Variants in ADAMTS6 observed in about 807,000 individuals in gnomAD.
ADAMTS6 encodes ADAM metallopeptidase with thrombospondin type 1 motif 6.
A neutral mutation model predicts 144.3 loss-of-function variants in ADAMTS6; 23 were observed. The ratio of observed to expected loss-of-function variants is 0.16; its 90% CI spans 0.11 to 0.23. ADAMTS6 has a LOEUF of 0.23. Among genes scored for constraint, ADAMTS6 ranks in the 10% least tolerant of loss-of-function variants. ADAMTS6 has a pLI of 1.00. For missense variants in ADAMTS6, 999 were observed against 1,379.6 expected (o/e 0.72, Z 4.37); for synonymous variants, 444 against 457.5 (o/e 0.97, Z 0.38).
At chr5:65,370,573 T>G (rs1750780107) in intron 7 of ADAMTS6, among the ~76,000 whole-genome samples, 2 of 152,102 alleles carry the variant, frequency 1.3e-5, no homozygotes, top group African/African-American at 4.8e-5. Context: ...CCGACGGGCT[T>G]AAAAAATGGC....
At chr5:65,290,538 G>A (rs566645154) in intron 11 of ADAMTS6, among the ~76,000 whole-genome samples, 5 of 149,586 alleles carry the variant, frequency 3.3e-5, no homozygotes, top group Admixed American at 6.8e-5. Context: ...GCGACAGAGC[G>A]AGACTCTGTC....
intron 22 of ADAMTS6, among the ~76,000 whole-genome samples, chr5:65,175,284 GAGAGAGGC>G (rs1257475947): frequency 6.7e-6 from 1 of 149,832 alleles, no homozygotes; most frequent in South Asian, 2.1e-4. Context: ...GAGAGAGAAA[GAGAGAGGC>G]AGAGAGGCAG....
intron 7 of ADAMTS6, among the ~76,000 whole-genome samples, chr5:65,392,303 C>T (rs1752992566): frequency 1.3e-5 from 2 of 152,090 alleles, no homozygotes; most frequent in South Asian, 4.1e-4. Flanking sequence ...TGAAGTTAAT[C>T]AAATACCCTG....
At position 65,329,028 on chromosome 5, in the gene ADAMTS6, T is replaced by C. The variant is rs554619387; in HGVS notation, c.1223+350A>G. 4.3e-4 allele frequency among the ~76,000 whole-genome samples: 65 copies of C among 152,210 alleles called. 1 individual carries two copies. The highest frequency in any genetic ancestry group is 1.5e-3 in the African/African-American group (64 of 41,556). ...GAGTGAAAACTAAAAATACATTTTA[T>C]GGTAGTGACGTCAATGATTTTAAAA... is the stretch of plus-strand genomic sequence containing the variant. On this transcript the variant is annotated intron_variant, in intron 9 of 24. Transcript: ENST00000381055.
At chr5:65,152,524 G>A (rs1456142391) in intron 24 of ADAMTS6, among the ~76,000 whole-genome samples, 1 of 152,252 alleles carries the variant, frequency 6.6e-6, no homozygotes, top group Non-Finnish European at 1.5e-5. Context: ...TCAAATGGCA[G>A]CAGTCTGTGG....
At chr5:65,410,944 C>T (rs1754995057) in intron 7 of ADAMTS6, among the ~76,000 whole-genome samples, 1 of 152,140 alleles carries the variant, frequency 6.6e-6, no homozygotes, top group Non-Finnish European at 1.5e-5. Flanking sequence ...GTCAAGCAAT[C>T]CTCCTGCTTC....
chr5:65,464,932 C>T (rs1402460030), intron 3 of ADAMTS6, among the ~76,000 whole-genome samples: 3 of 152,172 alleles, frequency 2.0e-5, no homozygotes, highest in Non-Finnish European at 4.4e-5. Flanking sequence ...GTCCTCACTT[C>T]CCTCACAACC....
chr5:65,435,902 A>C (rs1260901971), intron 7 of ADAMTS6, among the ~76,000 whole-genome samples: 1 of 152,164 alleles, frequency 6.6e-6, no homozygotes, highest in East Asian at 1.9e-4. Flanking sequence ...CTGGGATTAC[A>C]GGTGTGAGCC....
chr5:65,375,075 G>A (rs1399000052), intron 7 of ADAMTS6, among the ~76,000 whole-genome samples: 1 of 152,144 alleles, frequency 6.6e-6, no homozygotes, highest in Non-Finnish European at 1.5e-5. Context: ...AGCTGAAACT[G>A]GATCCCTTCC....
chr5:65,256,033 C>T lies in ADAMTS6; in HGVS notation c.1830+4567G>A, dbSNP rs925958093. Among the ~76,000 whole-genome samples the T allele has an allele frequency of 3.9e-5, 6 of 152,172 alleles. No homozygotes were observed. In the East Asian group the frequency reaches 1.2e-3, roughly 29 times the overall value. ...CAGGTGTGAACCCTTTATGAGCTAACAGTGATTTGTTTTGAGAATTTTACA... is the reference window on the plus strand; with the variant it reads ...CAGGTGTGAACCCTTTATGAGCTAATAGTGATTTGTTTTGAGAATTTTACA... On this transcript the variant is annotated intron_variant, in intron 14 of 24. Coordinates refer to ENST00000381055, the MANE Select transcript of ADAMTS6 (RefSeq NM_197941.4).
intron 7 of ADAMTS6, among the ~76,000 whole-genome samples, chr5:65,381,241 CAGAAAA>C (rs1260416594): frequency 6.6e-6 from 1 of 151,806 alleles, no homozygotes; most frequent in Non-Finnish European, 1.5e-5. Context: ...TGGTCAAGTA[CAGAAAA>C]AAGCAAATGT....
rs899625837 is a variant in ADAMTS6 at position 65,446,898 on chromosome 5, C to G, written c.1073+4577G>C. Among the ~76,000 whole-genome samples the G allele has an allele frequency of 3.9e-5, 6 of 152,198 alleles. No individual in the cohort carries two copies. The East Asian group carries it at 1.2e-3, about 29-fold the overall frequency. The stretch of plus-strand genomic sequence containing the variant: ...ATTGATGATAATGATGATTGCACAA[C>G]TCTGTGAATATACTCAAAACCAGTG... On this transcript the variant is annotated intron_variant, in intron 7 of 24. Transcript: ENST00000381055.
chr5:65,336,598 T>G (rs1266006554), intron 7 of ADAMTS6, among the ~76,000 whole-genome samples: 1 of 152,172 alleles, frequency 6.6e-6, no homozygotes, highest in East Asian at 1.9e-4. Flanking sequence ...TCTGTCCCCA[T>G]AATATTTTCA....
At chr5:65,241,692 G>A (rs563324841) in intron 15 of ADAMTS6, among the ~76,000 whole-genome samples, 51 of 152,216 alleles carry the variant, frequency 3.4e-4, no homozygotes, top group African/African-American at 1.1e-3. Flanking sequence ...ACTAAGCAAC[G>A]ACACAGAGTT....
intron 3 of ADAMTS6, among the ~76,000 whole-genome samples, chr5:65,461,091 G>A (rs774059377): frequency 2.6e-5 from 4 of 152,134 alleles, no homozygotes; most frequent in Non-Finnish European, 4.4e-5. Flanking sequence ...TCAAAGTTCT[G>A]CCCTTACTTA....
intron 20 of ADAMTS6, among the ~76,000 whole-genome samples, chr5:65,207,379 T>C (rs1756177734): frequency 6.6e-6 from 1 of 152,132 alleles, no homozygotes; most frequent in Non-Finnish European, 1.5e-5. Context: ...AAATATAAAA[T>C]ATCGTATGTA....
chr5:65,368,708 C>T (rs1750537194), intron 7 of ADAMTS6, among the ~76,000 whole-genome samples: 1 of 152,126 alleles, frequency 6.6e-6, no homozygotes, highest in Admixed American at 6.5e-5. Context: ...TATTGTGAAG[C>T]CACTACACCT....
Position 65,230,840 on chromosome 5 carries a change from T to TAA in ADAMTS6, c.1934-4623_1934-4622dup, listed in dbSNP as rs1758176231. Among the ~76,000 whole-genome samples the TAA allele has an allele frequency of 2.2e-5, 2 of 92,240 alleles. 1 individual carries two copies. The allele number at this position is 92,240 out of a possible 152,430, so 60.5% of individuals were successfully genotyped here. On this transcript the variant is annotated intron_variant, in intron 15 of 24. Coordinates refer to ENST00000381055, the MANE Select transcript of ADAMTS6 (RefSeq NM_197941.4). ...TAATACATATGTATAAATATATATA[T>TAA]AATACATATATATGAAATATATATA...
intron 18 of ADAMTS6, among the ~76,000 whole-genome samples, chr5:65,217,221 T>G (rs1756996494): frequency 6.6e-6 from 1 of 152,234 alleles, no homozygotes; most frequent in African/African-American, 2.4e-5. Context: ...TAAAATTTTT[T>G]ATTTTCAACT....
Sources: allele counts gnomAD v4.1 joint callset (sites outside exome capture counted in the v4.1 genomes callset), GRCh38; gene constraint gnomAD v4.1.1; transcripts MANE v1.5; gene names NCBI Gene and HGNC (gene_info 2026-07-23, HGNC 2026-07-21).